The following CMIP variants were observed in gnomAD, a reference collection of about 807,000 sequenced individuals.
The protein encoded by CMIP is C-Maf-inducing protein.
A neutral mutation model predicts 97.3 loss-of-function variants in CMIP; 13 were observed. The observed-to-expected ratio is 0.13, with a 90% CI of 0.09 to 0.21. The LOEUF (loss-of-function observed/expected upper bound fraction) is 0.21, where lower values mean the gene tolerates loss of function less well. Ranked by LOEUF, CMIP falls within the 10% of genes least tolerant of loss-of-function variation. CMIP has a pLI of 1.00. For missense variants in CMIP, 847 were observed against 1,024.9 expected, an observed-to-expected ratio of 0.83 and a Z score of 2.37; for synonymous variants, 538 against 436.3, an observed-to-expected ratio of 1.23 and a Z score of -2.91.
At chr16:81,659,339 A>C (rs188262078) in intron 5 of CMIP, among the ~76,000 whole-genome samples, 2 of 152,050 alleles carry the variant, frequency 1.3e-5, no homozygotes, top group East Asian at 3.9e-4. Flanking sequence ...AACATGGCCA[A>C]GGGCTGAGGT....
At chr16:81,680,677 C>T (rs1235321219) in intron 10 of CMIP, among the ~76,000 whole-genome samples, 2 of 152,230 alleles carry the variant, frequency 1.3e-5, no homozygotes, top group Non-Finnish European at 2.9e-5. Flanking sequence ...TACGTCACAG[C>T]CCTGAGTGTC....
At chr16:81,514,818 G>C (rs2089881267) in intron 1 of CMIP, among the ~76,000 whole-genome samples, 1 of 152,194 alleles carries the variant, frequency 6.6e-6, no homozygotes, top group African/African-American at 2.4e-5. Flanking sequence ...ACAATCCTTA[G>C]GCTGCTGCCT....
chr16:81,612,006 A>G (rs1435927064), intron 2 of CMIP, among the ~76,000 whole-genome samples: 5 of 152,156 alleles, frequency 3.3e-5, no homozygotes, highest in Admixed American at 3.3e-4. Context: ...CTGCCATGTT[A>G]TTAGAATCCC....
rs1179419443 is a variant in CMIP at position 81,500,420 on chromosome 16, C to G, written c.300+54879C>G. On this transcript the variant is annotated intron_variant, in intron 1 of 20. Transcript: ENST00000537098. ...CTCTCTCCTTCTCTCCCTCCTCCCT[C>G]CCCTCCCTCCCTCTCTCTCTCTCCC... is the stretch of plus-strand genomic sequence containing the variant. Among the ~76,000 whole-genome samples the G allele has an allele frequency of 5.0e-5, 6 of 119,258 alleles. No individual in the cohort carries two copies. The Admixed American group carries it at 5.1e-4, about 10-fold the overall frequency. The allele number at this position is 119,258 out of a possible 152,430, so 78.2% of individuals were successfully genotyped here. A position where few individuals can be genotyped will look rare whatever the true frequency, so the allele number is the denominator to read the frequency against.
rs532448495 is a variant in CMIP at position 81,628,972 on chromosome 16, C to T, written c.477+8046C>T. Among the ~76,000 whole-genome samples the T allele has an allele frequency of 4.6e-5, 7 of 151,648 alleles. No homozygotes were observed. In the East Asian group the frequency reaches 1.2e-3, roughly 25 times the overall value. ...CCAACATGGGGAAACCCTGTCTCTA[C>T]TAAAAATACAAAAATTAGCTGGGCG... On this transcript the variant is annotated intron_variant, in intron 3 of 20. Transcript: ENST00000537098.
intron 1 of CMIP, among the ~76,000 whole-genome samples, chr16:81,540,643 A>AGT (rs67286788): frequency 0.025 from 3,496 of 141,914 alleles, 57 homozygotes; most frequent in African/African-American, 0.031. Flanking sequence ...TCTTGTTTTG[A>AGT]GTGTGTGTGT....
intron 2 of CMIP, among the ~76,000 whole-genome samples, chr16:81,611,772 T>C (rs1323385185): frequency 6.6e-6 from 1 of 152,208 alleles, no homozygotes; most frequent in Non-Finnish European, 1.5e-5. Flanking sequence ...GTAAAACTCT[T>C]ACTTTGTTAG....
chr16:81,515,231 T>A (rs912580143), intron 1 of CMIP, among the ~76,000 whole-genome samples: 2 of 152,206 alleles, frequency 1.3e-5, no homozygotes, highest in African/African-American at 2.4e-5. Context: ...GGCTGAAGGA[T>A]TGACCGGGCA....
chr16:81,505,278 G>C (rs1010420277), intron 1 of CMIP, among the ~76,000 whole-genome samples: 3 of 152,248 alleles, frequency 2.0e-5, no homozygotes, highest in African/African-American at 7.2e-5. Context: ...GAAGAGGGAA[G>C]GGAAGTGGAA....
At chr16:81,554,707 C>A (rs565519464) in intron 1 of CMIP, among the ~76,000 whole-genome samples, 12 of 152,256 alleles carry the variant, frequency 7.9e-5, no homozygotes, top group South Asian at 6.2e-4. Flanking sequence ...GGCTGTGTGA[C>A]CCTGGGCAGG....
At chr16:81,705,890 G>A (rs1005192945) in intron 19 of CMIP, among the ~76,000 whole-genome samples, 1 of 152,160 alleles carries the variant, frequency 6.6e-6, no homozygotes, top group Non-Finnish European at 1.5e-5. Context: ...TCCACTGAGG[G>A]GTCGAGTTCA....
chr16:81,478,394 G>A (rs182769911), intron 1 of CMIP, among the ~76,000 whole-genome samples: 137 of 152,276 alleles, frequency 9.0e-4, no homozygotes, highest in African/African-American at 3.1e-3. Context: ...AGATTTTGGC[G>A]TCCTGTATGG....
intron 11 of CMIP, 83 bp downstream of exon 11, chr16:81,691,923 T>A: frequency 8.2e-7 from 1 of 1,217,214 alleles, no homozygotes; most frequent in Non-Finnish European, 1.2e-6. Context: ...GGGGGGCCAG[T>A]CATGTTATGG....
At chr16:81,535,850 C>T (rs1192703323) in intron 1 of CMIP, among the ~76,000 whole-genome samples, 1 of 152,176 alleles carries the variant, frequency 6.6e-6, no homozygotes, top group African/African-American at 2.4e-5. Context: ...TGCACTTGAG[C>T]ATTCCCACAA....
At chr16:81,472,890 T>A (rs1907644588) in intron 1 of CMIP, among the ~76,000 whole-genome samples, 1 of 152,178 alleles carries the variant, frequency 6.6e-6, no homozygotes, top group Non-Finnish European at 1.5e-5. Context: ...CTTTGTCCTG[T>A]TCCTTTCGGG....
At position 81,693,039 on chromosome 16, in the gene CMIP, C is replaced by A; in HGVS notation, c.1455-119C>A. The A allele has an allele frequency of 4.1e-6, 3 of 732,566 alleles. No individual in the cohort carries two copies. In the Admixed American group the frequency reaches 7.5e-5, roughly 18 times the overall value. The allele number at this position is 732,566 out of a possible 1,614,324, so 45.4% of individuals were successfully genotyped here. A position where few individuals can be genotyped will look rare whatever the true frequency, so the allele number is the denominator to read the frequency against. ...AAAATGTTGGCATTTCACTCACATTCCTCTTCATTCTTTGAATCAGACATA... is the reference window on the plus strand; with the variant it reads ...AAAATGTTGGCATTTCACTCACATTACTCTTCATTCTTTGAATCAGACATA... On this transcript the variant is annotated intron_variant, in intron 11 of 20. Coordinates refer to ENST00000537098, the MANE Select transcript of CMIP (RefSeq NM_198390.3).
chr16:81,628,190 C>T lies in CMIP; in HGVS notation c.477+7264C>T, dbSNP rs548692722. On this transcript the variant is annotated intron_variant, in intron 3 of 20. Transcript: ENST00000537098. ...TGTCACCCCTGGCTCTGACCTTGCTCCCGGAGCCCACCTCCCCTGGGTCGC... is the reference window on the plus strand; with the variant it reads ...TGTCACCCCTGGCTCTGACCTTGCTTCCGGAGCCCACCTCCCCTGGGTCGC... Among the ~76,000 whole-genome samples, 11 of 152,260 alleles carry T rather than the reference C, an allele frequency of 7.2e-5. No individual in the cohort carries two copies. In the South Asian group the frequency reaches 8.3e-4, roughly 11 times the overall value.
At chr16:81,643,365 G>A (rs1273337738) in intron 3 of CMIP, among the ~76,000 whole-genome samples, 1 of 152,254 alleles carries the variant, frequency 6.6e-6, no homozygotes, top group Non-Finnish European at 1.5e-5. Flanking sequence ...TAGTTGCCCA[G>A]GGGCTGGGGG....
chr16:81,569,639 G>A (rs1055425563), intron 1 of CMIP, among the ~76,000 whole-genome samples: 8 of 152,218 alleles, frequency 5.3e-5, no homozygotes, highest in African/African-American at 1.9e-4. Context: ...ATGCTTGCCC[G>A]TTTCTACTGT....
Sources: allele counts gnomAD v4.1 joint callset (sites outside exome capture counted in the v4.1 genomes callset), GRCh38; gene constraint gnomAD v4.1.1; transcripts MANE v1.5; gene names NCBI Gene and HGNC (gene_info 2026-07-23, HGNC 2026-07-21).